Variants in ZNF831 observed in about 807,000 individuals in gnomAD.
The protein encoded by ZNF831 is zinc finger protein 831.
In ZNF831, 59 loss-of-function variants were observed where a neutral mutation model predicts 95.8. The observed-to-expected ratio is 0.62, with a 90% CI of 0.50 to 0.77. The LOEUF is 0.77. Ranked by LOEUF, ZNF831 falls within the 30% of genes least tolerant of loss-of-function variation. The probability of loss-of-function intolerance (pLI) is 0.00; values close to 1 mark genes in which losing one functional copy is unlikely to be tolerated. For missense variants in ZNF831, 2,205 were observed against 2,164.0 expected, an observed-to-expected ratio of 1.02 and a Z score of -0.38; for synonymous variants, 961 against 925.5, an observed-to-expected ratio of 1.04 and a Z score of -0.70.
chr20:59,224,499 C>G (rs1242133579), intron 4 of ZNF831, among the ~76,000 whole-genome samples: 1 of 152,222 alleles, frequency 6.6e-6, no homozygotes, highest in Non-Finnish European at 1.5e-5. Flanking sequence ...GCCCCATTGC[C>G]TTGACGAATC....
At chr20:59,142,012 C>T (rs1001370360) in intron 1 of ZNF831, among the ~76,000 whole-genome samples, 7 of 152,154 alleles carry the variant, frequency 4.6e-5, no homozygotes, top group Admixed American at 1.3e-4. Flanking sequence ...CGCCTCATTC[C>T]GAGCTGGCTT....
In ZNF831 at chr20:59,204,578, C is replaced by T. The variant is rs564543345; in HGVS notation, c.3876-2327C>T. Among the ~76,000 whole-genome samples, 13 of 152,330 alleles carry T rather than the reference C, an allele frequency of 8.5e-5. No individual in the cohort carries two copies. The South Asian group carries it at 1.7e-3, about 19-fold the overall frequency. On this transcript the variant is annotated intron_variant, in intron 3 of 5. Coordinates refer to ENST00000371030, the MANE Select transcript of ZNF831 (RefSeq NM_178457.3). ...AGAGAGGAAAGTGAGGGAAATAGCA[C>T]GTCAGATCTCATAGTTTCGCCCCAG...
At chr20:59,209,842 C>T (rs1379547178) in intron 4 of ZNF831, among the ~76,000 whole-genome samples, 1 of 152,180 alleles carries the variant, frequency 6.6e-6, no homozygotes, top group Non-Finnish European at 1.5e-5. Context: ...ATGTGGACTT[C>T]TCCCTGTGTC....
At chr20:59,134,340 A>G (rs1979439975) in intron 1 of ZNF831, among the ~76,000 whole-genome samples, 2 of 152,152 alleles carry the variant, frequency 1.3e-5, no homozygotes, top group South Asian at 4.2e-4. Flanking sequence ...CCTTATGGGG[A>G]CTGTGCCATC....
At chr20:59,143,368 A>C (rs958664417) in intron 1 of ZNF831, among the ~76,000 whole-genome samples, 1 of 152,248 alleles carries the variant, frequency 6.6e-6, no homozygotes, top group African/African-American at 2.4e-5. Flanking sequence ...TAGCTGATGG[A>C]ACTGGCTAGT....
intron 4 of ZNF831, among the ~76,000 whole-genome samples, chr20:59,250,302 C>T (rs1017643894): frequency 1.3e-5 from 2 of 152,152 alleles, no homozygotes; most frequent in African/African-American, 4.8e-5. Flanking sequence ...CTAATTTTGA[C>T]TCCAGAATGC....
At chr20:59,140,422 T>A (rs1383905743) in intron 1 of ZNF831, among the ~76,000 whole-genome samples, 6 of 152,200 alleles carry the variant, frequency 3.9e-5, no homozygotes, top group Admixed American at 2.0e-4. Flanking sequence ...CTCCACCCCA[T>A]GGGAACAGTA....
At position 59,130,545 on chromosome 20, in the gene ZNF831, G is replaced by T. The variant is rs944326499; in HGVS notation, c.-1425+7040G>T. 3.3e-5 allele frequency among the ~76,000 whole-genome samples: 5 copies of T among 152,290 alleles called. No homozygotes were observed. In the East Asian group the frequency reaches 9.7e-4, roughly 29 times the overall value. ...CCTCCCCTCCTAATGAGCAAGACAG[G>T]CTGTGTGAACATGTCCTGTGGATGT... On this transcript the variant is annotated intron_variant, in intron 1 of 7. Coordinates refer to the ZNF831 transcript ENST00000637017.
intron 4 of ZNF831, among the ~76,000 whole-genome samples, chr20:59,251,392 A>C (rs2146752471): frequency 6.6e-6 from 1 of 152,344 alleles, no homozygotes; most frequent in Non-Finnish European, 1.5e-5. Flanking sequence ...ACTTTTCAAC[A>C]ACTGGAACGC....
Position 59,180,434 on chromosome 20 carries a change from T to C in ZNF831, c.-36-10550T>C, listed in dbSNP as rs371635187. On this transcript the variant is annotated intron_variant, in intron 1 of 5. Transcript: ENST00000371030. ...TTGTTACATAGGTATACATGTGCCA[T>C]GGTGGTTTGCTACACACATCAACTT... is the stretch of plus-strand genomic sequence containing the variant. 7.2e-5 allele frequency among the ~76,000 whole-genome samples: 11 copies of C among 152,354 alleles called. No individual in the cohort carries two copies. In the East Asian group the frequency reaches 9.6e-4, roughly 13 times the overall value.
chr20:59,220,871 G>T (rs964059696), intron 4 of ZNF831, among the ~76,000 whole-genome samples: 6 of 152,276 alleles, frequency 3.9e-5, no homozygotes, highest in South Asian at 2.1e-4. Context: ...AGAGGAATTG[G>T]TTTGAGTCTT....
intron 1 of ZNF831, among the ~76,000 whole-genome samples, chr20:59,190,435 G>A (rs757564134): frequency 2.0e-4 from 30 of 152,278 alleles, no homozygotes; most frequent in Middle Eastern, 6.8e-3. Context: ...CTTTCCTTGC[G>A]TCAGTTTTTT....
At chr20:59,195,296 G>A (rs1364063659) in intron 2 of ZNF831, among the ~76,000 whole-genome samples, 2 of 152,214 alleles carry the variant, frequency 1.3e-5, no homozygotes, top group Non-Finnish European at 2.9e-5. Flanking sequence ...TGATAATGCA[G>A]AGCTCCACCT....
At chr20:59,139,821 G>A (rs540753743) in intron 1 of ZNF831, among the ~76,000 whole-genome samples, 4 of 152,270 alleles carry the variant, frequency 2.6e-5, no homozygotes, top group South Asian at 2.1e-4. Context: ...ATCAGTGCTC[G>A]TGGATGAATG....
At position 59,196,046 on chromosome 20, in the gene ZNF831, A is replaced by G. The variant is rs756392215; in HGVS notation, c.3875+41A>G. On this transcript the variant is annotated intron_variant, in intron 3 of 5. Transcript: ENST00000371030. ...ACCTCTGTCATTTCCACAAAACCCCAAGAAGAATTTACTATGGGATTTGAA... is the reference window on the plus strand; with the variant it reads ...ACCTCTGTCATTTCCACAAAACCCCGAGAAGAATTTACTATGGGATTTGAA... 41 of 1,603,968 alleles carry G rather than the reference A, an allele frequency of 2.6e-5. No individual in the cohort carries two copies. The Admixed American group carries it at 6.5e-4, about 25-fold the overall frequency.
In ZNF831 at chr20:59,167,412, A is replaced by G. The variant is rs568406347; in HGVS notation, c.-37+3205A>G. Among the ~76,000 whole-genome samples the G allele has an allele frequency of 1.3e-3, 195 of 149,810 alleles. 1 individual carries two copies. The highest frequency in any genetic ancestry group is 0.01 in the Middle Eastern group (3 of 292). On this transcript the variant is annotated intron_variant, in intron 1 of 5. Transcript: ENST00000371030. ...AGTTTTTTATTCTCTTATTATAAGC[A>G]GGGGTTTGCACAGAGCAAAAAAAAA... is the stretch of plus-strand genomic sequence containing the variant.
At chr20:59,152,472 G>A (rs574383707) in intron 2 of ZNF831, among the ~76,000 whole-genome samples, 1 of 152,196 alleles carries the variant, frequency 6.6e-6, no homozygotes. Flanking sequence ...GAGCCTGGGG[G>A]CCTTTGGTTT....
intron 1 of ZNF831, among the ~76,000 whole-genome samples, chr20:59,135,813 G>T (rs938059931): frequency 2.0e-5 from 3 of 152,194 alleles, no homozygotes; most frequent in African/African-American, 7.2e-5. Context: ...AGTAATTGCG[G>T]TTTTTGCCAT....
rs1056031511 is a variant in ZNF831 at position 59,125,753 on chromosome 20, C to T, written c.-1425+2248C>T. Among the ~76,000 whole-genome samples the T allele has an allele frequency of 9.2e-5, 14 of 152,142 alleles. 1 individual carries two copies. Among genetic ancestry groups the T allele is most frequent in the African/African-American group, 3.4e-4 (14 of 41,428 alleles). ...GAGTTGTTTATTAGTTTCTGCTTTA[C>T]CCAACCATTTTTCATTGACTCGTGT... On this transcript the variant is annotated intron_variant, in intron 1 of 7. Coordinates refer to the ZNF831 transcript ENST00000637017.
Sources: gnomAD v4.1 joint callset for allele counts (sites outside exome capture counted in the v4.1 genomes callset) on GRCh38, gnomAD v4.1.1 for gene constraint, MANE v1.5 for transcripts, NCBI Gene and HGNC (gene_info 2026-07-23, HGNC 2026-07-21) for gene names.